Variants in TEX15 observed in about 807,000 individuals in gnomAD.
TEX15 encodes testis expressed 15, meiosis and synapsis associated, also known as testis-expressed protein 15.
Under a neutral mutation model 237.3 loss-of-function variants are expected in TEX15, and 171 were observed. That is an observed-to-expected ratio of 0.72 (90% CI 0.64 to 0.82). The LOEUF (loss-of-function observed/expected upper bound fraction) is 0.82. TEX15 is among the 40% of genes least tolerant of loss of function. The pLI, the probability that TEX15 is intolerant of heterozygous loss-of-function variation, is 0.00. For missense variants in TEX15, 3,750 were observed against 3,646.5 expected, an observed-to-expected ratio of 1.03 and a Z score of -0.73; for synonymous variants, 1,338 against 1,269.8, an observed-to-expected ratio of 1.05 and a Z score of -1.14.
chr8:30,897,308 T>G (rs923854671), intron 2 of TEX15, among the ~76,000 whole-genome samples: 1 of 152,186 alleles, frequency 6.6e-6, no homozygotes, highest in African/African-American at 2.4e-5. Context: ...TCAGGCTCTA[T>G]CTACATTTTC....
intron 3 of TEX15, among the ~76,000 whole-genome samples, chr8:30,883,066 T>C (rs1808564436): frequency 6.6e-6 from 1 of 152,160 alleles, no homozygotes; most frequent in South Asian, 2.1e-4. Context: ...CCACCATGAC[T>C]GGCCCTGTAG....
intron 1 of TEX15, among the ~76,000 whole-genome samples, chr8:30,911,419 T>C (rs1308872372): frequency 6.6e-6 from 1 of 152,242 alleles, no homozygotes; most frequent in African/African-American, 2.4e-5. Flanking sequence ...CCCAAAATGC[T>C]AGGACTACAG....
chr8:30,888,524 C>T, intron 2 of TEX15: 1 of 881,422 alleles, frequency 1.1e-6, no homozygotes, highest in Non-Finnish European at 1.6e-6. Flanking sequence ...AACCTCCATC[C>T]CCTGCCAAAT....
intron 1 of TEX15, among the ~76,000 whole-genome samples, chr8:30,911,150 C>T (rs1245506132): frequency 3.3e-5 from 5 of 152,094 alleles, no homozygotes; most frequent in Non-Finnish European, 7.4e-5. Context: ...GACAGAGTCT[C>T]GCTCTGTCGC....
chr8:30,907,928 T>C (rs922409893), intron 1 of TEX15, among the ~76,000 whole-genome samples: 3 of 151,862 alleles, frequency 2.0e-5, no homozygotes. Flanking sequence ...AGTCAGACTC[T>C]ATGAATTCTA....
chr8:30,842,872 T>C lies in TEX15; in HGVS notation c.7295A>G (p.His2432Arg), dbSNP rs1416790324. 3.1e-6 allele frequency: 5 copies of C among 1,611,376 alleles called. No individual in the cohort carries two copies. Among genetic ancestry groups the C allele is most frequent in the Non-Finnish European group, 4.2e-6 (5 of 1,178,444 alleles). ...TTCAGGCTTTAAAATGATAGCCTCA[T>C]GGCTGTGGTTTATCACCACGTCTAA... The part of the protein sequence containing the change: ...NVLDVVINHS[H>R]EAIILKPEAI... Residue 2432 changes from histidine (H) to arginine (R), a missense_variant, in exon 8 of 11, where the codon CAT (histidine) becomes CGT (arginine). Coordinates refer to ENST00000643185, the MANE Select transcript of TEX15 (RefSeq NM_001350162.2).
intron 1 of TEX15, among the ~76,000 whole-genome samples, chr8:30,903,427 G>A (rs534432425): frequency 3.3e-5 from 5 of 152,324 alleles, no homozygotes; most frequent in Non-Finnish European, 5.9e-5. Context: ...AGGAGCTGCA[G>A]TACAAACAGA....
At position 30,844,948 on chromosome 8, in the gene TEX15, T is replaced by A; in HGVS notation, c.5219A>T (p.Gln1740Leu). The change falls in exon 8 of 11, where the codon CAG becomes CTG. Residue 1740 changes from glutamine (Q) to leucine (L), a missense_variant. Transcript: ENST00000643185. Reference protein sequence around the residue: ...GESSKSYLDKQRILTVDSFAA... With the variant: ...GESSKSYLDKLRILTVDSFAA... ...AAAAGAATCTACAGTAAGAATTCTC[T>A]GCTTATCCAAGTAAGATTTTGAAGA... The A allele has an allele frequency of 6.2e-7, 1 of 1,613,584 alleles. No individual in the cohort carries two copies. The highest frequency in any genetic ancestry group is 8.5e-7 in the Non-Finnish European group (1 of 1,179,572).
Position 30,845,536 on chromosome 8 carries a change from G to C in TEX15, c.4631C>G (p.Ser1544Ter), listed in dbSNP as rs1295174697. 3 of 1,613,650 alleles carry C rather than the reference G, an allele frequency of 1.9e-6. No homozygotes were observed. Among genetic ancestry groups the C allele is most frequent in the Non-Finnish European group, 2.5e-6 (3 of 1,179,632 alleles). The change falls in exon 8 of 11, where the codon TCA becomes TGA. Residue 1544 changes from serine (S) to a stop codon, truncating the protein, a stop_gained. Transcript: ENST00000643185. LOFTEE classifies it high-confidence loss of function. Reference protein sequence around the residue: ...YNSSVSNPSLSEEHQPFSGKT... With the variant: ...YNSSVSNPSL The stretch of plus-strand genomic sequence containing the variant: ...TCCAGAAAAGGGCTGATGTTCTTCT[G>C]ATAAACTTGGATTGCTTACACTGCT...
rs1020224113 is a variant in TEX15 at position 30,858,736 on chromosome 8, G to A, written c.782C>T (p.Ser261Leu). Residue 261 changes from serine to leucine, a missense_variant, in exon 7 of 11, where the codon TCA becomes TTA. Ser to Leu is a moderately radical substitution (Grantham distance 145). Transcript: ENST00000643185. ...YAVVTVKFLG[S>L]KVDNGRLMTS... ...CATAAGGCGTCCATTATCTACTTTT[G>A]AACCAAGAAATTTTACTGTTACTAC... The A allele has an allele frequency of 2.6e-6, 4 of 1,535,602 alleles. No homozygotes were observed. The African/African-American group carries it at 5.5e-5, about 21-fold the overall frequency.
At chr8:30,897,869 G>A (rs1322902538) in intron 2 of TEX15, among the ~76,000 whole-genome samples, 1 of 151,998 alleles carries the variant, frequency 6.6e-6, no homozygotes, top group Non-Finnish European at 1.5e-5. Context: ...TTGCTATGTT[G>A]CCCAGGCTGG....
rs764900898 is a variant in TEX15, at chr8:30,842,110, T to C, written c.8057A>G (p.Lys2686Arg). The change falls in exon 8 of 11, where the codon AAA becomes AGA. Residue 2686 changes from lysine (K) to arginine (R), a missense_variant. Transcript: ENST00000643185. ...MLPPVSECIN[K>R]NISNSSKKRP... ...TTTTTTAGAGGAATTTGAGATGTTT[T>C]TGTTTATGCACTCTGATACTGGGGG... 3.1e-6 allele frequency: 5 copies of C among 1,613,772 alleles called. 1 individual carries two copies. Among genetic ancestry groups the C allele is most frequent in the South Asian group, 1.1e-5 (1 of 90,996 alleles).
rs1379220033 is a variant in TEX15, at chr8:30,847,138, G to A, written c.3029C>T (p.Thr1010Ile). The A allele has an allele frequency of 1.2e-6, 2 of 1,613,750 alleles. No homozygotes were observed. Among genetic ancestry groups the A allele is most frequent in the South Asian group, 2.2e-5 (2 of 91,056 alleles). ...AAAATCTGGACTTTCAGAAGAACAA[G>A]TTTCTTTAAACTGGTATATCTGGTG... The part of the protein sequence containing the change: ...DDHQIYQFKE[T>I]CSSESPDFGL... The change falls in exon 8 of 11, where the codon ACT (threonine) becomes ATT (isoleucine). Residue 1010 changes from threonine to isoleucine, a missense_variant. Physicochemically the swap from Thr to Ile is moderately conservative, Grantham distance 89. Transcript: ENST00000643185.
At chr8:30,856,817 T>C (rs1807922508) in intron 7 of TEX15, among the ~76,000 whole-genome samples, 1 of 151,858 alleles carries the variant, frequency 6.6e-6, no homozygotes, top group Non-Finnish European at 1.5e-5. Context: ...ACAATGTTAA[T>C]AGATTAGAAA....
At position 30,887,173 on chromosome 8, in the gene TEX15, C is replaced by G; in HGVS notation, c.130G>C (p.Glu44Gln). Residue 44 changes from glutamate to glutamine, a missense_variant, in exon 3 of 11, where the codon GAG becomes CAG. Coordinates refer to ENST00000643185, the MANE Select transcript of TEX15 (RefSeq NM_001350162.2). The part of the protein sequence containing the change: ...FTIPKIRRTA[E>Q]KVYLSPCYTN... ...CCAACCACAGAAATATTACCTTTCT[C>G]AGCTGTCCTCCTGATCTTAGGAATG... 1.3e-6 allele frequency: 2 copies of G among 1,531,020 alleles called. No homozygotes were observed. The allele number at this position is 1,531,020 out of a possible 1,614,324, so 94.8% of individuals were successfully genotyped here.
chr8:30,873,911 C>A (rs554175515), intron 4 of TEX15, among the ~76,000 whole-genome samples: 1 of 152,252 alleles, frequency 6.6e-6, no homozygotes, highest in South Asian at 2.1e-4. Context: ...ACAGCCCTAT[C>A]ACTGGGTACT....
At chr8:30,880,792 T>TGGGGAG (rs1432196885) in intron 3 of TEX15, among the ~76,000 whole-genome samples, 1 of 20,528 alleles carries the variant, frequency 4.9e-5, no homozygotes, top group African/African-American at 2.0e-4. Flanking sequence ...CTGTGTGTTT[T>TGGGGAG]GGGGAGGGGG....
At chr8:30,908,038 C>T (rs546681526) in intron 1 of TEX15, among the ~76,000 whole-genome samples, 3 of 152,110 alleles carry the variant, frequency 2.0e-5, no homozygotes, top group Admixed American at 6.6e-5. Flanking sequence ...CAGCAACCTA[C>T]CCCCTCTACC....
Position 30,841,846 on chromosome 8 carries a change from T to C in TEX15, c.8163+158A>G, listed in dbSNP as rs181337969. On this transcript the variant is annotated intron_variant, in intron 8 of 10. Coordinates refer to ENST00000643185, the MANE Select transcript of TEX15 (RefSeq NM_001350162.2). ...AATTTATGTATCATTTTATAGATAATATGAATTGTTTAAATCAATATTATA... is the reference window on the plus strand; with the variant it reads ...AATTTATGTATCATTTTATAGATAACATGAATTGTTTAAATCAATATTATA... Among the ~76,000 whole-genome samples the C allele has an allele frequency of 2.6e-3, 402 of 152,366 alleles. 2 individuals carry two copies. Among genetic ancestry groups the C allele is most frequent in the African/African-American group, 9.1e-3 (380 of 41,592 alleles).
Sources: gnomAD v4.1 joint callset for allele counts (sites outside exome capture counted in the v4.1 genomes callset) on GRCh38, gnomAD v4.1.1 for gene constraint, MANE v1.5 for transcripts, NCBI Gene and HGNC (gene_info 2026-07-23, HGNC 2026-07-21) for gene names.